DNAH17: variants seen among roughly 807,000 people sequenced by gnomAD.
The protein encoded by DNAH17 is axonemal beta dynein heavy chain 17.
DNAH17 carries 376 observed loss-of-function variants against 485.6 expected under a neutral mutation model. The observed-to-expected ratio is 0.77, with a 90% CI of 0.71 to 0.84. DNAH17 has a LOEUF of 0.84. Ranked by LOEUF, DNAH17 falls within the 40% of genes least tolerant of loss-of-function variation. The pLI, the probability that DNAH17 is intolerant of heterozygous loss-of-function variation, is 0.00. For synonymous variants in DNAH17, 3,031 were observed against 2,405.9 expected (o/e 1.26, Z -7.60); for missense variants, 6,370 against 5,839.3 (o/e 1.09, Z -2.96).
At chr17:78,432,388 G>T (rs2086706455) in intron 75 of DNAH17, among the ~76,000 whole-genome samples, 1 of 4,064 alleles carries the variant, frequency 2.5e-4, no homozygotes, top group Admixed American at 4.8e-3. Context: ...CCCATCGACC[G>T]GCAGACAGCA....
In DNAH17 at chr17:78,459,161, T is replaced by C. The variant is rs1184646176; in HGVS notation, c.9701A>G (p.Lys3234Arg). The change falls in exon 61 of 81, where the codon AAG becomes AGG. Residue 3234 changes from lysine to arginine, a missense_variant. Physicochemically the swap from Lys to Arg is conservative, Grantham distance 26. Transcript: ENST00000389840. Reference protein sequence around the residue: ...PTFDPEFIRSKSTAAAGLCSW... With the variant: ...PTFDPEFIRSRSTAAAGLCSW... ...GCACAGGCCGGCGGCGGCCGTGGAC[T>C]TGGAGCGGATGAACTCGGGGTCGAA... The C allele has an allele frequency of 6.2e-7, 1 of 1,613,856 alleles. No individual in the cohort carries two copies. The highest frequency in any genetic ancestry group is 8.5e-7 in the Non-Finnish European group (1 of 1,179,908).
In DNAH17 at chr17:78,447,956, A is replaced by G. The variant is rs578021073; in HGVS notation, c.11211+1458T>C. On this transcript the variant is annotated intron_variant, in intron 69 of 80. Transcript: ENST00000389840. ...GGAGGCCGAGGCTAGTGGATCACCT[A>G]AGATCGGGAGTTCGAGACCAGCCTG... Among the ~76,000 whole-genome samples, 4 of 151,864 alleles carry G rather than the reference A, an allele frequency of 2.6e-5. No homozygotes were observed. The East Asian group carries it at 7.7e-4, about 29-fold the overall frequency.
chr17:78,425,639 C>T (rs899817752), intron 79 of DNAH17, 68 bp from the exon 80 acceptor site: 52 of 1,429,282 alleles, frequency 3.6e-5, no homozygotes, highest in Non-Finnish European at 4.3e-5. Context: ...GGGCCTTGGC[C>T]GTTCTGAGCA....
chr17:78,489,841 G>T (rs1044757893), intron 44 of DNAH17, among the ~76,000 whole-genome samples: 2 of 151,056 alleles, frequency 1.3e-5, no homozygotes, highest in Non-Finnish European at 3.0e-5. Flanking sequence ...GTGAATGGAT[G>T]GGTGAGTGGG....
rs1463963428 is a variant in DNAH17, at chr17:78,459,635, G to A, written c.9653+149C>T. 4 of 838,660 alleles carry A rather than the reference G, an allele frequency of 4.8e-6. No homozygotes were observed. In the Admixed American group the frequency reaches 7.7e-5, roughly 16 times the overall value. 52.0% of individuals were successfully genotyped at this position (838,660 alleles called of 1,614,324 possible). ...TCCCGCTGCTGAGCTTGTCAGCTGT[G>A]TTCTTGGGGTGCTGTATGGGGAAGG... On this transcript the variant is annotated intron_variant, in intron 60 of 80. Transcript: ENST00000389840.
intron 16 of DNAH17, among the ~76,000 whole-genome samples, chr17:78,545,366 C>T (rs1050639425): frequency 7.2e-5 from 11 of 152,102 alleles, no homozygotes; most frequent in African/African-American, 2.7e-4. Flanking sequence ...ATACCATATA[C>T]TAGGGGGCTT....
chr17:78,457,084 G>C (rs547162100), intron 62 of DNAH17, among the ~76,000 whole-genome samples: 1 of 152,220 alleles, frequency 6.6e-6, no homozygotes, highest in Admixed American at 6.5e-5. Context: ...TAAAAGGCAT[G>C]AAGGGGCCGG....
At chr17:78,499,155 CAGGG>C in intron 36 of DNAH17, 43 bp from the exon 37 acceptor site, 1 of 1,427,864 alleles carries the variant, frequency 7.0e-7, no homozygotes, top group Non-Finnish European at 9.4e-7. Context: ...GGGAGGGTGA[CAGGG>C]AGGGCGGGCG....
chr17:78,426,238 C>G (rs1402433278), intron 79 of DNAH17, among the ~76,000 whole-genome samples: 1 of 152,148 alleles, frequency 6.6e-6, no homozygotes, highest in Non-Finnish European at 1.5e-5. Context: ...GGAAGCTGCT[C>G]TGCGGCCTGG....
At chr17:78,471,325 A>AAGCAGGTGGGC (rs147130274) in intron 54 of DNAH17, among the ~76,000 whole-genome samples, 5 of 152,182 alleles carry the variant, frequency 3.3e-5, no homozygotes, top group South Asian at 2.1e-4. Flanking sequence ...GAGCCTGGAA[A>AAGCAGGTGGGC]AGCAGGTGGG....
At chr17:78,424,306 G>A (rs1346147250) in intron 80 of DNAH17, 153 bp from the exon 81 acceptor site, 8 of 930,798 alleles carry the variant, frequency 8.6e-6, no homozygotes, top group Middle Eastern at 3.5e-4. Flanking sequence ...GGAAGCAGAG[G>A]CCTTCGTAGG....
intron 1 of DNAH17, among the ~76,000 whole-genome samples, chr17:78,576,487 A>G (rs914374426): frequency 2.6e-5 from 4 of 152,156 alleles, no homozygotes; most frequent in Non-Finnish European, 5.9e-5. Context: ...GGCAAGTAGG[A>G]GGAGCACCGC....
rs1043302730 is a variant in DNAH17 at position 78,466,636 on chromosome 17, G to A, written c.8940+19C>T. 3.1e-6 allele frequency: 5 copies of A among 1,595,574 alleles called. No homozygotes were observed. The highest frequency in any genetic ancestry group is 4.3e-6 in the Non-Finnish European group (5 of 1,170,772). ...CCTCTGGGCTCTACACTCAGGCAGA[G>A]GTGGCCTCAGTGACTCACCGGAATC... On this transcript the variant is annotated intron_variant, in intron 56 of 80. Coordinates refer to ENST00000389840, the MANE Select transcript of DNAH17 (RefSeq NM_173628.4).
At chr17:78,560,603 A>T (rs1192202790) in intron 13 of DNAH17, 137 bp downstream of exon 13, 1 of 905,340 alleles carries the variant, frequency 1.1e-6, no homozygotes, top group East Asian at 2.7e-5. Context: ...TATACCCTGG[A>T]CACACTTAAG....
intron 71 of DNAH17, among the ~76,000 whole-genome samples, chr17:78,444,091 T>C (rs922672515): frequency 4.6e-5 from 7 of 152,194 alleles, no homozygotes; most frequent in Non-Finnish European, 7.4e-5. Context: ...CATACTAATA[T>C]ACCTCGATTG....
Position 78,502,875 on chromosome 17 carries a change from C to A in DNAH17, c.5082+11G>T. On this transcript the variant is annotated intron_variant, in intron 32 of 80. Coordinates refer to ENST00000389840, the MANE Select transcript of DNAH17 (RefSeq NM_173628.4). ...CCACGAGGCGCCGCCGAGCCCCCAC[C>A]CGCCTCAGACCTGGGCTGGGTAGTC... is the stretch of plus-strand genomic sequence containing the variant. The A allele has an allele frequency of 6.2e-7, 1 of 1,611,162 alleles. No homozygotes were observed. Among genetic ancestry groups the A allele is most frequent in the Non-Finnish European group, 8.5e-7 (1 of 1,178,642 alleles).
chr17:78,512,044 C>T (rs781134432), intron 26 of DNAH17, among the ~76,000 whole-genome samples: 3 of 152,178 alleles, frequency 2.0e-5, no homozygotes, highest in Non-Finnish European at 4.4e-5. Flanking sequence ...AGCAGAAGGG[C>T]CCTGGACAGT....
chr17:78,567,401 G>T (rs1042542943), intron 9 of DNAH17, among the ~76,000 whole-genome samples: 2 of 152,116 alleles, frequency 1.3e-5, no homozygotes, highest in African/African-American at 4.8e-5. Context: ...TCTATGAGGT[G>T]TGAATGAGGA....
chr17:78,503,705 T>C (rs1027009952), intron 31 of DNAH17, among the ~76,000 whole-genome samples: 5 of 151,688 alleles, frequency 3.3e-5, no homozygotes, highest in Non-Finnish European at 7.4e-5. Flanking sequence ...GTGGCTCATG[T>C]CTGTAATCCC....
Sources: allele counts gnomAD v4.1 joint callset (sites outside exome capture counted in the v4.1 genomes callset), GRCh38; gene constraint gnomAD v4.1.1; transcripts MANE v1.5; gene names NCBI Gene and HGNC (gene_info 2026-07-23, HGNC 2026-07-21).